Variants in DOK2 observed in about 807,000 individuals in gnomAD.
DOK2 encodes the protein docking protein 2, 56kD.
In DOK2, 28 loss-of-function variants were observed where a neutral mutation model predicts 26.0. The ratio of observed to expected loss-of-function variants is 1.08; its 90% CI spans 0.80 to 1.48. The LOEUF is 1.48. Among genes scored for constraint, DOK2 ranks in the 40% most tolerant of loss-of-function variants. DOK2 has a pLI of 0.00. For missense variants in DOK2, 682 were observed against 558.2 expected (o/e 1.22, Z -2.23); for synonymous variants, 282 against 236.9 (o/e 1.19, Z -1.75).
At chr8:21,910,325 T>A (rs936723582) in intron 4 of DOK2, among the ~76,000 whole-genome samples, 3 of 152,096 alleles carry the variant, frequency 2.0e-5, no homozygotes, top group African/African-American at 4.8e-5. Flanking sequence ...CCCTGGGACC[T>A]CCAGCTTCCC....
intron 3 of DOK2, 79 bp downstream of exon 3, chr8:21,911,822 C>A: frequency 7.1e-7 from 1 of 1,416,294 alleles, no homozygotes. Flanking sequence ...GGGCCAGCAG[C>A]TAGCCAGCCC....
chr8:21,910,283 G>A (rs1431934249), intron 4 of DOK2, among the ~76,000 whole-genome samples: 1 of 152,054 alleles, frequency 6.6e-6, no homozygotes. Context: ...CCCAGCTAGG[G>A]ATGCTTTCTT....
Position 21,909,424 on chromosome 8 carries a change from T to C in DOK2, c.1126A>G (p.Arg376Gly), listed in dbSNP as rs565835482. ...ACATGCTGGAGGCCAGCAGGGTCCC[T>C]GTCAGCTGTCGCCTGCCTCCTCCAT... ...EAWRRQATAD[R>G]DPAGLQHVQP... Residue 376 changes from arginine to glycine, a missense_variant, in exon 5 of 5, where the codon AGG becomes GGG. Coordinates refer to ENST00000276420, the MANE Select transcript of DOK2 (RefSeq NM_003974.4). 1.2e-6 allele frequency: 2 copies of C among 1,612,798 alleles called. No individual in the cohort carries two copies. Among genetic ancestry groups the C allele is most frequent in the African/African-American group, 2.7e-5 (2 of 75,028 alleles).
intron 1 of DOK2, among the ~76,000 whole-genome samples, chr8:21,913,264 G>A (rs1209451204): frequency 1.3e-5 from 2 of 152,164 alleles, no homozygotes; most frequent in Non-Finnish European, 2.9e-5. Flanking sequence ...GAGCAAGAGA[G>A]CAAAAGAGGC....
chr8:21,911,877 G>T, intron 3 of DOK2, 24 bp downstream of exon 3: 1 of 1,549,230 alleles, frequency 6.5e-7, no homozygotes. Context: ...CCAGGGGAGA[G>T]CAGGGCAGCC....
At chr8:21,910,649 G>A (rs763753741) in intron 4 of DOK2, 24 bp downstream of exon 4, 1 of 1,612,914 alleles carries the variant, frequency 6.2e-7, no homozygotes, top group Non-Finnish European at 8.5e-7. Flanking sequence ...CTCTCAACCT[G>A]CCCTGATGCA....
Position 21,909,859 on chromosome 8 carries a change from C to T in DOK2, c.691G>A (p.Gly231Ser). ...EGNFEFETRQ[G>S]NEIFLALEEA... ...TCCAGGGCCAAGAAGATCTCATTGC[C>T]TTGCCGGGTTTCGAACTCAAAGTTG... is the stretch of plus-strand genomic sequence containing the variant. Residue 231 changes from glycine (G) to serine (S), a missense_variant, in exon 5 of 5, where the codon GGC becomes AGC. Coordinates refer to ENST00000276420, the MANE Select transcript of DOK2 (RefSeq NM_003974.4). 1.2e-6 allele frequency: 2 copies of T among 1,613,926 alleles called. No homozygotes were observed. The highest frequency in any genetic ancestry group is 1.7e-6 in the Non-Finnish European group (2 of 1,180,032).
In DOK2 at chr8:21,912,361, G is replaced by C; in HGVS notation, c.213C>G (p.Ala71=). The change falls in exon 2 of 5, where the codon GCC becomes GCG. Residue 71 remains alanine, a synonymous_variant. Transcript: ENST00000276420. ...RLSDCLRVAE[A]GGEASSPRDT... is the part of the protein sequence containing the mutation. ...CCCGGGGGCTGCTGGCCTCTCCGCC[G>C]GCCTCGGCCACCCGCAGGCAGTCAC... The C allele has an allele frequency of 6.2e-7, 1 of 1,606,944 alleles. No individual in the cohort carries two copies. Among genetic ancestry groups the C allele is most frequent in the Non-Finnish European group, 8.5e-7 (1 of 1,178,244 alleles).
rs897844136 is a variant in DOK2, at chr8:21,912,231, G to C, written c.343C>G (p.Pro115Ala). 5.1e-6 allele frequency: 8 copies of C among 1,559,260 alleles called. No homozygotes were observed. The African/African-American group carries it at 9.5e-5, about 19-fold the overall frequency. The change falls in exon 2 of 5, where the codon CCC (proline) becomes GCC (alanine). Residue 115 changes from proline to alanine, a missense_variant and splice_region_variant. Transcript: ENST00000276420. ...TTTCCGCACCCCGCGCGACTCACGG[G>C]GAAGGCCAGGAGGCAGATGGCCTGC... The part of the protein sequence containing the change: ...WVQAICLLAF[P>A]GQRKELSGPE...
In DOK2 at chr8:21,912,459, C is replaced by T. The variant is rs1255183465; in HGVS notation, c.115G>A (p.Ala39Thr). 3 of 1,564,530 alleles carry T rather than the reference C, an allele frequency of 1.9e-6. No homozygotes were observed. The highest frequency in any genetic ancestry group is 2.6e-6 in the Non-Finnish European group (3 of 1,156,768). The part of the protein sequence containing the change: ...SLYGGSDCAL[A>T]RLELQEGPEK... ...GGGCCCTCCTGCAGCTCCAGCCGGG[C>T]CAAGGCGCAGTCCGACCCTCCATAC... is the stretch of plus-strand genomic sequence containing the variant. The change falls in exon 2 of 5, where the codon GCC (alanine) becomes ACC (threonine). Residue 39 changes from alanine to threonine, a missense_variant. Physicochemically the swap from Ala to Thr is moderately conservative, Grantham distance 58 (BLOSUM62 0). Coordinates refer to ENST00000276420, the MANE Select transcript of DOK2 (RefSeq NM_003974.4).
In DOK2 at chr8:21,909,152, T is replaced by C; in HGVS notation, c.*159A>G. The C allele has an allele frequency of 1.2e-6, 1 of 823,350 alleles. No homozygotes were observed. The highest frequency in any genetic ancestry group is 1.9e-6 in the Non-Finnish European group (1 of 528,788). The allele number at this position is 823,350 out of a possible 1,614,324, so 51.0% of individuals were successfully genotyped here. A position where few individuals can be genotyped will look rare whatever the true frequency, so the allele number is the denominator to read the frequency against. On this transcript the variant is annotated 3_prime_UTR_variant, in exon 5 of 5. Coordinates refer to ENST00000276420, the MANE Select transcript of DOK2 (RefSeq NM_003974.4). ...ACCCTTCCTGCTTTGGGATGGTGAC[T>C]CACCCAGCAGGCCCTGGGAGAGGCA...
At position 21,913,653 on chromosome 8, in the gene DOK2, C is replaced by T. The variant is rs1252052824; in HGVS notation, c.-52G>A. On this transcript the variant is annotated 5_prime_UTR_variant, in exon 1 of 5. Transcript: ENST00000276420. ...TTCAGCTCTCTCCTTCACTCCTGCC[C>T]TTGCCTCTCTCTTCTTAGCCGTGTG... 2 of 1,600,782 alleles carry T rather than the reference C, an allele frequency of 1.2e-6. No homozygotes were observed. The highest frequency in any genetic ancestry group is 1.7e-5 in the Admixed American group (1 of 59,960).
rs779927750 is a variant in DOK2 at position 21,909,720 on chromosome 8, G to A, written c.830C>T (p.Ser277Leu). The A allele has an allele frequency of 1.1e-4, 180 of 1,613,516 alleles. 1 individual carries two copies. The Middle Eastern group carries it at 1.3e-3, about 12-fold the overall frequency. ...TGTGGTGGGTGAAGGCGGCGGCAGT[G>A]AGTCATGCGGCCGAGAGTAGGGGCT... ...PDSPYSRPHD[S>L]LPPPSPTTPV... Residue 277 changes from serine to leucine, a missense_variant, in exon 5 of 5, where the codon TCA becomes TTA. Physicochemically the swap from Ser to Leu is moderately radical, Grantham distance 145. Transcript: ENST00000276420.
At chr8:21,913,475 C>T in intron 1 of DOK2, 64 bp downstream of exon 1, 2 of 1,598,266 alleles carry the variant, frequency 1.3e-6, no homozygotes, top group Non-Finnish European at 1.7e-6. Flanking sequence ...ACTCCCTCTC[C>T]AACCCAGGAA....
In DOK2 at chr8:21,909,807, G is replaced by T; in HGVS notation, c.743C>A (p.Ala248Asp). The T allele has an allele frequency of 6.2e-7, 1 of 1,613,934 alleles. No homozygotes were observed. The highest frequency in any genetic ancestry group is 8.5e-7 in the Non-Finnish European group (1 of 1,180,030). Residue 248 changes from alanine (A) to aspartate (D), a missense_variant, in exon 5 of 5, where the codon GCT (alanine) becomes GAT (aspartate). By Grantham distance (126) the Ala-to-Asp change is moderately radical (BLOSUM62 -2). Coordinates refer to ENST00000276420, the MANE Select transcript of DOK2 (RefSeq NM_003974.4). ...LEEAISAQKN[A>D]APATPQPQPA... Reference sequence around the variant, plus strand: ...CTGCGGTTGGGGTGTAGCGGGTGCAGCATTCTTCTGGGCAGAGATGGCCTC... The same window carrying T: ...CTGCGGTTGGGGTGTAGCGGGTGCATCATTCTTCTGGGCAGAGATGGCCTC...
Position 21,909,902 on chromosome 8 carries a change from G to A in DOK2, c.648C>T (p.Arg216=), listed in dbSNP as rs1400522717. ...KVTFSFEAGR[R]CVSGEGNFEF... ...CAAAGTTGCCCTCTCCAGAGACGCA[G>A]CGACGGCCTGCCTCAAAGGAAAAGG... The change falls in exon 5 of 5, where the codon CGC becomes CGT. Residue 216 remains arginine (R), a synonymous_variant. Coordinates refer to ENST00000276420, the MANE Select transcript of DOK2 (RefSeq NM_003974.4). The A allele has an allele frequency of 1.2e-6, 2 of 1,611,998 alleles. No homozygotes were observed. Among genetic ancestry groups the A allele is most frequent in the Admixed American group, 3.3e-5 (2 of 60,012 alleles).
Position 21,910,852 on chromosome 8 carries a change from G to A in DOK2, c.439C>T (p.Pro147Ser), listed in dbSNP as rs759334784. ...ATGGTCACAGCAAATTCCTTGTGGG[G>A]GCCGACTGGGGAGAAGAAGAGAGAG... ...ELYSSAVTVG[P>S]HKEFAVTMRP... Residue 147 changes from proline (P) to serine (S), a missense_variant, in exon 4 of 5, where the codon CCC (proline) becomes TCC (serine). Transcript: ENST00000276420. The A allele has an allele frequency of 1.2e-6, 2 of 1,602,136 alleles. No individual in the cohort carries two copies. Among genetic ancestry groups the A allele is most frequent in the Non-Finnish European group, 1.7e-6 (2 of 1,173,716 alleles).
Position 21,912,366 on chromosome 8 carries a change from C to A in DOK2, c.208G>T (p.Glu70Ter), listed in dbSNP as rs947406040. 1.4e-5 allele frequency: 23 copies of A among 1,606,212 alleles called. No homozygotes were observed. The highest frequency in any genetic ancestry group is 2.2e-5 in the East Asian group (1 of 44,490). ...IRLSDCLRVA[E>*]AGGEASSPRD... ...GGGCTGCTGGCCTCTCCGCCGGCCTCGGCCACCCGCAGGCAGTCACTGAGG... is the reference window on the plus strand; with the variant it reads ...GGGCTGCTGGCCTCTCCGCCGGCCTAGGCCACCCGCAGGCAGTCACTGAGG... Residue 70 changes from glutamate to a stop codon, truncating the protein, a stop_gained, in exon 2 of 5, where the codon GAG becomes TAG. Coordinates refer to ENST00000276420, the MANE Select transcript of DOK2 (RefSeq NM_003974.4). LOFTEE classifies it high-confidence loss of function.
chr8:21,911,299 A>G (rs182597288), intron 3 of DOK2, among the ~76,000 whole-genome samples: 10 of 152,210 alleles, frequency 6.6e-5, no homozygotes, highest in African/African-American at 1.9e-4. Flanking sequence ...TCCTCCCTCC[A>G]CCAGCTCCTC....
Sources: gnomAD v4.1 joint callset for allele counts (sites outside exome capture counted in the v4.1 genomes callset) on GRCh38, gnomAD v4.1.1 for gene constraint, MANE v1.5 for transcripts, NCBI Gene and HGNC (gene_info 2026-07-23, HGNC 2026-07-21) for gene names.